Variants in CTNNA3 observed in about 807,000 individuals in gnomAD.
CTNNA3 encodes catenin alpha-3.
A neutral mutation model predicts 95.7 loss-of-function variants in CTNNA3; 76 were observed. The observed-to-expected ratio is 0.79, with a 90% CI of 0.66 to 0.96. CTNNA3 has a LOEUF of 0.96. Ranked by LOEUF, CTNNA3 falls within the 40% of genes least tolerant of loss-of-function variation. The pLI is 0.00. For missense variants in CTNNA3, 1,191 were observed against 1,089.8 expected (o/e 1.09, Z -1.31); for synonymous variants, 431 against 374.4 (o/e 1.15, Z -1.74).
Position 67,735,175 on chromosome 10 carries a change from A to G in CTNNA3, c.-2+28259T>C, listed in dbSNP as rs1025996603. ...CACACACACACACACACACACACACAGGCTCTCTTAGGTGATCTTAATGTA... is the reference window on the plus strand; with the variant it reads ...CACACACACACACACACACACACACGGGCTCTCTTAGGTGATCTTAATGTA... On this transcript the variant is annotated intron_variant, in intron 1 of 17. Transcript: ENST00000684154. Among the ~76,000 whole-genome samples, 7 of 149,646 alleles carry G rather than the reference A, an allele frequency of 4.7e-5. 1 individual carries two copies. The highest frequency in any genetic ancestry group is 1.5e-4 in the African/African-American group (6 of 40,376).
chr10:66,249,283 C>T (rs1056130155), intron 13 of CTNNA3, among the ~76,000 whole-genome samples: 4 of 151,988 alleles, frequency 2.6e-5, no homozygotes, highest in African/African-American at 9.7e-5. Flanking sequence ...GAGATCAGAT[C>T]AAGTTAAAAA....
chr10:67,070,680 G>T (rs1159493126), intron 7 of CTNNA3, among the ~76,000 whole-genome samples: 1 of 151,886 alleles, frequency 6.6e-6, no homozygotes, highest in Non-Finnish European at 1.5e-5. Flanking sequence ...CCGGGAGGCG[G>T]AGGTTGCAGG....
intron 5 of CTNNA3, among the ~76,000 whole-genome samples, chr10:67,252,017 C>T (rs1866127222): frequency 6.6e-6 from 1 of 152,126 alleles, no homozygotes. Context: ...TGAGACCAGC[C>T]TGGCCAACAC....
At chr10:67,297,099 G>A (rs554698388) in intron 5 of CTNNA3, among the ~76,000 whole-genome samples, 4 of 152,184 alleles carry the variant, frequency 2.6e-5, no homozygotes, top group African/African-American at 4.8e-5. Flanking sequence ...CACATTGTAC[G>A]TGGACTCTCT....
At chr10:66,769,671 T>G (rs148734665) in intron 8 of CTNNA3, among the ~76,000 whole-genome samples, 14 of 152,276 alleles carry the variant, frequency 9.2e-5, no homozygotes, top group Non-Finnish European at 1.8e-4. Flanking sequence ...AAACACTGCC[T>G]GGAAGTTCTT....
chr10:66,557,155 T>G (rs547526908), intron 10 of CTNNA3, among the ~76,000 whole-genome samples: 1 of 152,178 alleles, frequency 6.6e-6, no homozygotes, highest in South Asian at 2.1e-4. Context: ...CATTCTCTAT[T>G]TTTTGTTGAA....
chr10:66,463,205 A>G (rs1174904414), intron 11 of CTNNA3, among the ~76,000 whole-genome samples: 3 of 152,140 alleles, frequency 2.0e-5, no homozygotes, highest in African/African-American at 7.2e-5. Context: ...GTGTTGAGTC[A>G]TGGGGGCAGA....
At chr10:67,031,090 G>C (rs538249064) in intron 7 of CTNNA3, among the ~76,000 whole-genome samples, 1 of 152,274 alleles carries the variant, frequency 6.6e-6, no homozygotes, top group South Asian at 2.1e-4. Context: ...CTTGACTTCT[G>C]TTTTCACATG....
chr10:65,971,829 G>A (rs918498976), intron 16 of CTNNA3, among the ~76,000 whole-genome samples: 3 of 151,912 alleles, frequency 2.0e-5, no homozygotes, highest in African/African-American at 7.2e-5. Context: ...GCATCATCCT[G>A]ATAGGAAAAC....
intron 12 of CTNNA3, among the ~76,000 whole-genome samples, chr10:66,286,946 T>G (rs1303693286): frequency 1.3e-5 from 2 of 152,086 alleles, no homozygotes; most frequent in Non-Finnish European, 2.9e-5. Flanking sequence ...TATTGATACA[T>G]AATAGATGTA....
At chr10:67,111,908 G>GA (rs1215977752) in intron 7 of CTNNA3, among the ~76,000 whole-genome samples, 1 of 151,828 alleles carries the variant, frequency 6.6e-6, no homozygotes, top group Non-Finnish European at 1.5e-5. Context: ...ATTATGGGGT[G>GA]AAAAAAATCA....
chr10:67,738,936 A>G (rs541831006), intron 1 of CTNNA3, among the ~76,000 whole-genome samples: 3 of 152,324 alleles, frequency 2.0e-5, no homozygotes, highest in East Asian at 3.9e-4. Context: ...GAAATATGGG[A>G]CTATGTGAAA....
At chr10:67,254,660 T>G (rs577205653) in intron 5 of CTNNA3, among the ~76,000 whole-genome samples, 4 of 152,216 alleles carry the variant, frequency 2.6e-5, no homozygotes, top group African/African-American at 9.6e-5. Context: ...TCCTGTAAGA[T>G]CGTAATGTCG....
chr10:66,281,502 T>A (rs1031070313), intron 12 of CTNNA3, among the ~76,000 whole-genome samples: 32 of 151,820 alleles, frequency 2.1e-4, no homozygotes, highest in African/African-American at 7.5e-4. Context: ...TAATGTGTAA[T>A]TAGAGATGTG....
At chr10:67,368,754 T>C (rs1481124738) in intron 5 of CTNNA3, among the ~76,000 whole-genome samples, 1 of 151,990 alleles carries the variant, frequency 6.6e-6, no homozygotes, top group Admixed American at 6.6e-5. Context: ...AAAAGCTACA[T>C]AAAAAGAGCA....
chr10:66,725,869 G>T (rs1037931404), intron 9 of CTNNA3, among the ~76,000 whole-genome samples: 4 of 152,026 alleles, frequency 2.6e-5, no homozygotes, highest in African/African-American at 9.7e-5. Context: ...CACAAGTGTT[G>T]CATAAGACCC....
At chr10:67,563,341 A>G (rs1268615395) in intron 3 of CTNNA3, among the ~76,000 whole-genome samples, 1 of 152,168 alleles carries the variant, frequency 6.6e-6, no homozygotes, top group Admixed American at 6.5e-5. Flanking sequence ...TACCACACAC[A>G]TCTACAACCA....
At chr10:67,358,994 G>A (rs1365666315) in intron 5 of CTNNA3, among the ~76,000 whole-genome samples, 3 of 152,058 alleles carry the variant, frequency 2.0e-5, no homozygotes, top group South Asian at 4.2e-4. Context: ...CTATCTGCTA[G>A]CCCTTACTCT....
intron 5 of CTNNA3, among the ~76,000 whole-genome samples, chr10:67,518,696 A>T (rs1323913705): frequency 6.6e-6 from 1 of 152,148 alleles, no homozygotes; most frequent in African/African-American, 2.4e-5. Flanking sequence ...CCACATTATC[A>T]AACCTTATTT....
Sources: allele counts gnomAD v4.1 joint callset (sites outside exome capture counted in the v4.1 genomes callset), GRCh38; gene constraint gnomAD v4.1.1; transcripts MANE v1.5; gene names NCBI Gene and HGNC (gene_info 2026-07-23, HGNC 2026-07-21).